RTN1: variants seen among roughly 807,000 people sequenced by gnomAD.
RTN1 encodes reticulon 1, also known as reticulon-1.
In RTN1, 25 loss-of-function variants were observed where a neutral mutation model predicts 65.5. That is an observed-to-expected ratio of 0.38 (90% CI 0.28 to 0.53). RTN1 has a LOEUF of 0.53. Ranked by LOEUF, RTN1 falls within the 20% of genes least tolerant of loss-of-function variation. The probability of loss-of-function intolerance (pLI) is 0.79; values close to 1 mark genes in which losing one functional copy is unlikely to be tolerated. For missense variants in RTN1, 983 were observed against 1,025.4 expected, an observed-to-expected ratio of 0.96 and a Z score of 0.57; for synonymous variants, 471 against 447.6, an observed-to-expected ratio of 1.05 and a Z score of -0.66.
chr14:59,611,856 G>A (rs1232431782), intron 3 of RTN1, among the ~76,000 whole-genome samples: 1 of 152,196 alleles, frequency 6.6e-6, no homozygotes, highest in Non-Finnish European at 1.5e-5. Flanking sequence ...GTTTGTATAT[G>A]TGGAAGGGAT....
At chr14:59,720,505 T>C (rs770844574) in intron 3 of RTN1, among the ~76,000 whole-genome samples, 6 of 152,074 alleles carry the variant, frequency 3.9e-5, no homozygotes, top group African/African-American at 1.2e-4. Flanking sequence ...GCAGATCACT[T>C]GAGGCCAGGA....
At chr14:59,820,367 T>G (rs1310631676) in intron 1 of RTN1, among the ~76,000 whole-genome samples, 33 of 149,394 alleles carry the variant, frequency 2.2e-4, no homozygotes, top group African/African-American at 5.1e-4. Flanking sequence ...TTTTTTTTTT[T>G]TTTTTTTTTT....
intron 3 of RTN1, chr14:59,630,914 T>TG: frequency 1.1e-6 from 1 of 894,694 alleles, no homozygotes; most frequent in Non-Finnish European, 1.3e-6. Context: ...GGGCTGTTCC[T>TG]GGGAGTTCTT....
At chr14:59,641,166 C>T (rs1158495779) in intron 3 of RTN1, among the ~76,000 whole-genome samples, 1 of 151,814 alleles carries the variant, frequency 6.6e-6, no homozygotes, top group Non-Finnish European at 1.5e-5. Context: ...TGGAGTTTTG[C>T]CATGTTACCC....
At chr14:59,648,641 A>G (rs564130641) in intron 3 of RTN1, among the ~76,000 whole-genome samples, 2 of 152,378 alleles carry the variant, frequency 1.3e-5, no homozygotes, top group African/African-American at 4.8e-5. Context: ...ATATATGCAA[A>G]TCAACAAATG....
rs1029337464 is a variant in RTN1, at chr14:59,870,408, T to C, written c.223A>G (p.Met75Val). ...GCCTTACCTGTGGATGCAGTTTCCATGGCAACGGGCGACTGCCGGGCGGGG... is the reference window on the plus strand; with the variant it reads ...GCCTTACCTGTGGATGCAGTTTCCACGGCAACGGGCGACTGCCGGGCGGGG... ...SGPARQSPVA[M>V]ETASTGVAGV... The change falls in exon 1 of 9, where the codon ATG becomes GTG. Residue 75 changes from methionine to valine, a missense_variant. Met to Val is a conservative substitution (Grantham distance 21, BLOSUM62 1). Around this residue, in one of 2 missense-constraint regions of RTN1, gnomAD observed 818 missense variants for 801.8 expected, o/e 1.02. Transcript: ENST00000267484. This position sits in a 1 kb window ranked among gnomAD's most constrained non-coding sequence, Gnocchi z 5.1. 1.5e-5 allele frequency: 23 copies of C among 1,525,424 alleles called. No homozygotes were observed. The highest frequency in any genetic ancestry group is 2.0e-5 in the Non-Finnish European group (23 of 1,148,566). 94.5% of individuals were successfully genotyped at this position (1,525,424 alleles called of 1,614,324 possible).
chr14:59,623,823 G>A (rs1015592840), intron 3 of RTN1, among the ~76,000 whole-genome samples: 1 of 152,188 alleles, frequency 6.6e-6, no homozygotes, highest in African/African-American at 2.4e-5. Flanking sequence ...AATATTTCTT[G>A]AACTAAAAAG....
chr14:59,743,406 C>T (rs1594714849), intron 2 of RTN1, among the ~76,000 whole-genome samples: 1 of 152,154 alleles, frequency 6.6e-6, no homozygotes, highest in Non-Finnish European at 1.5e-5. Context: ...TACTGGACAA[C>T]CCGGGAGCTC....
At chr14:59,603,526 C>A (rs1330167972) in intron 6 of RTN1, among the ~76,000 whole-genome samples, 1 of 150,978 alleles carries the variant, frequency 6.6e-6, no homozygotes, top group African/African-American at 2.4e-5. Flanking sequence ...TCTCCCCTCC[C>A]AAGATGAAAA....
chr14:59,749,511 A>C (rs373609855), intron 1 of RTN1, among the ~76,000 whole-genome samples: 6 of 36,378 alleles, frequency 1.6e-4, no homozygotes, highest in African/African-American at 9.8e-4. Flanking sequence ...CTATATATAG[A>C]TATCTATATA....
chr14:59,707,716 C>T (rs911137622), intron 3 of RTN1, among the ~76,000 whole-genome samples: 44 of 147,776 alleles, frequency 3.0e-4, no homozygotes, highest in African/African-American at 9.8e-4. Context: ...TTTACACACA[C>T]ACACACACAC....
At chr14:59,791,225 C>T (rs529003328) in intron 1 of RTN1, among the ~76,000 whole-genome samples, 4 of 152,186 alleles carry the variant, frequency 2.6e-5, no homozygotes, top group Admixed American at 2.0e-4. Flanking sequence ...TCCTAGTTTC[C>T]GTGTGTTTTC....
At position 59,780,296 on chromosome 14, in the gene RTN1, T is replaced by C. The variant is rs941578129; in HGVS notation, c.242-33815A>G. On this transcript the variant is annotated intron_variant, in intron 1 of 8. Transcript: ENST00000267484. ...GGGTTCTCAGGAAATACAATGCTTA[T>C]ACTGAAACCTAACCTTCCTAGTGTG... is the stretch of plus-strand genomic sequence containing the variant. 7.2e-5 allele frequency among the ~76,000 whole-genome samples: 11 copies of C among 152,172 alleles called. No homozygotes were observed. In the East Asian group the frequency reaches 1.9e-3, roughly 27 times the overall value.
At chr14:59,754,861 C>A (rs948213869) in intron 1 of RTN1, among the ~76,000 whole-genome samples, 10 of 152,244 alleles carry the variant, frequency 6.6e-5, no homozygotes, top group Non-Finnish European at 1.3e-4. Flanking sequence ...GATGCTAAGT[C>A]CCCAGAGTCC....
chr14:59,605,549 T>A, intron 4 of RTN1, 43 bp from the exon 5 acceptor site: 1 of 1,608,648 alleles, frequency 6.2e-7, no homozygotes, highest in Non-Finnish European at 8.5e-7. Context: ...TCAGAGGGAA[T>A]CATGAGACAG....
chr14:59,813,561 C>T (rs1239709311), intron 1 of RTN1, among the ~76,000 whole-genome samples: 1 of 152,054 alleles, frequency 6.6e-6, no homozygotes, highest in African/African-American at 2.4e-5. Context: ...GCCAATAAAA[C>T]CAAGCATAGA....
In RTN1 at chr14:59,727,816, T is replaced by A. The variant is rs1463065175; in HGVS notation, c.1016-148A>T. ...ACATATCTCATTAGCACAAAAATAA[T>A]CTGTTTCCAGGGCTATGCTGGAAAG... On this transcript the variant is annotated intron_variant, in intron 2 of 8. Transcript: ENST00000267484. The surrounding 1 kb of genome is among the most constrained non-coding windows in gnomAD (Gnocchi z 4.2). 1.7e-6 allele frequency: 2 copies of A among 1,185,732 alleles called. No homozygotes were observed. The highest frequency in any genetic ancestry group is 2.3e-6 in the Non-Finnish European group (2 of 881,324). 73.5% of individuals were successfully genotyped at this position (1,185,732 alleles called of 1,614,324 possible). A position where few individuals can be genotyped will look rare whatever the true frequency, so the allele number is the denominator to read the frequency against.
At chr14:59,851,771 C>A (rs370862962) in intron 1 of RTN1, among the ~76,000 whole-genome samples, 5 of 150,930 alleles carry the variant, frequency 3.3e-5, no homozygotes, top group Non-Finnish European at 7.4e-5. Context: ...GCAAGGGAAT[C>A]GCTTGAACCT....
At chr14:59,713,846 T>C (rs1239570808) in intron 3 of RTN1, among the ~76,000 whole-genome samples, 2 of 152,166 alleles carry the variant, frequency 1.3e-5, no homozygotes, top group African/African-American at 4.8e-5. Flanking sequence ...ATACCAGTAA[T>C]TCCAGCAGTT....
Sources: gnomAD v4.1 joint callset for allele counts (sites outside exome capture counted in the v4.1 genomes callset) on GRCh38, gnomAD v4.1.1 for gene constraint, gnomAD v4.1.1 regional missense constraint, Gnocchi (gnomAD v3.1) non-coding constraint, MANE v1.5 for transcripts, NCBI Gene and HGNC (gene_info 2026-07-23, HGNC 2026-07-21) for gene names.